AMZ2: variants seen among roughly 807,000 people sequenced by gnomAD.
The protein encoded by AMZ2 is archaelysin family metallopeptidase 2, also known as archaemetzincin-2.
In AMZ2, 26 loss-of-function variants were observed where a neutral mutation model predicts 36.7. That is an observed-to-expected ratio of 0.71 (90% CI 0.52 to 0.98). The LOEUF (loss-of-function observed/expected upper bound fraction) is 0.98. AMZ2 is among the 50% of genes least tolerant of loss of function. The pLI, the probability that AMZ2 is intolerant of heterozygous loss-of-function variation, is 0.00. For synonymous variants in AMZ2, 144 were observed against 149.1 expected (o/e 0.97, Z 0.25); for missense variants, 394 against 430.5 (o/e 0.92, Z 0.75).
In AMZ2 at chr17:68,250,952, C is replaced by A. The variant is rs1555739364; in HGVS notation, c.442C>A (p.Leu148Ile). The A allele has an allele frequency of 1.2e-6, 2 of 1,612,364 alleles. No homozygotes were observed. Among genetic ancestry groups the A allele is most frequent in the Non-Finnish European group, 1.7e-6 (2 of 1,179,672 alleles). Residue 148 changes from leucine (L) to isoleucine (I), a missense_variant, in exon 3 of 7, where the codon CTA becomes ATA. By Grantham distance (5) the Leu-to-Ile change is conservative. Coordinates refer to ENST00000359904, the MANE Select transcript of AMZ2 (RefSeq NM_016627.5). The stretch of plus-strand genomic sequence containing the variant: ...TAGAGTCAATGAGAACACACACAAC[C>A]TACAAATTCATGCAGGTGAATTACA... ...SFRVNENTHN[L>I]QIHAGDILKF...
At chr17:68,206,641 A>G (rs2072843192) in intron 1 of AMZ2, 1 of 152,276 alleles carries the variant, frequency 6.6e-6, no homozygotes, top group Non-Finnish European at 1.5e-5. Context: ...CTTGTTTTAC[A>G]AACCTCTTTG....
rs10678271 is a variant in AMZ2, at chr17:68,207,313, A to ACCCCCCC, written c.-67+1079_-67+1085dup. 8.8e-4 allele frequency: 97 copies of ACCCCCCC among 110,634 alleles called. 1 individual carries two copies. The highest frequency in any genetic ancestry group is 1.3e-3 in the Non-Finnish European group (69 of 52,766). 6.9% of individuals were successfully genotyped at this position (110,634 alleles called of 1,614,324 possible). The stretch of plus-strand genomic sequence containing the variant: ...GTTGCTAAGATGCATTTTGTTAAAT[A>ACCCCCCC]CCCCCCCCCCACAAAGGCTGCTTTG... On this transcript the variant is annotated intron_variant, in intron 1 of 7. Coordinates refer to the AMZ2 transcript ENST00000674770.
At chr17:68,227,708 GA>G (rs1433559803) in intron 1 of AMZ2, among the ~76,000 whole-genome samples, 2 of 152,188 alleles carry the variant, frequency 1.3e-5, no homozygotes, top group African/African-American at 4.8e-5. Flanking sequence ...CTCTTACAGA[GA>G]TACCTGCATT....
At chr17:68,254,006 A>G (rs1186358446) in intron 4 of AMZ2, among the ~76,000 whole-genome samples, 1 of 152,004 alleles carries the variant, frequency 6.6e-6, no homozygotes, top group Non-Finnish European at 1.5e-5. Context: ...CGGCCTCCCA[A>G]AGTCCTAGGA....
intron 1 of AMZ2, among the ~76,000 whole-genome samples, chr17:68,226,638 C>T (rs1329692535): frequency 3.9e-5 from 6 of 152,180 alleles, no homozygotes; most frequent in Admixed American, 1.3e-4. Context: ...GCCTGGCCAC[C>T]TCCCACCTCT....
At chr17:68,206,324 T>C in intron 1 of AMZ2, 1 of 1,190,136 alleles carries the variant, frequency 8.4e-7, no homozygotes, top group Admixed American at 4.6e-5. Context: ...TGCATCCTGC[T>C]CCGATCTCCC....
At chr17:68,232,822 C>G (rs56275835) in intron 1 of AMZ2, among the ~76,000 whole-genome samples, 22,872 of 152,096 alleles carry the variant, frequency 0.15, 1,856 homozygotes, top group East Asian at 0.3. Flanking sequence ...CCAGCCAGAG[C>G]AAGACTCTGT....
chr17:68,251,315 G>A (rs1350114160), intron 4 of AMZ2, 137 bp downstream of exon 4: 5 of 967,534 alleles, frequency 5.2e-6, no homozygotes, highest in Non-Finnish European at 6.0e-6. Context: ...ATGCCATAAT[G>A]GGAAGTGTGC....
At chr17:68,210,016 T>A (rs1407263838) in intron 1 of AMZ2, among the ~76,000 whole-genome samples, 1 of 152,104 alleles carries the variant, frequency 6.6e-6, no homozygotes, top group African/African-American at 2.4e-5. Flanking sequence ...AGGGCTGTAA[T>A]GTTTAAAAAA....
intron 1 of AMZ2, among the ~76,000 whole-genome samples, chr17:68,227,022 C>G (rs1443648677): frequency 6.6e-6 from 1 of 150,738 alleles, no homozygotes; most frequent in Non-Finnish European, 1.5e-5. Context: ...TACATAATAA[C>G]TTCTATGGCT....
intron 1 of AMZ2, among the ~76,000 whole-genome samples, chr17:68,209,581 G>GTT: frequency 9.3e-6 from 1 of 106,960 alleles, no homozygotes. Flanking sequence ...AATAATTGTG[G>GTT]GTGTGTGTGT....
intron 4 of AMZ2, among the ~76,000 whole-genome samples, chr17:68,252,662 CTATTT>C (rs781917471): frequency 2.6e-5 from 4 of 151,988 alleles, no homozygotes; most frequent in African/African-American, 4.8e-5. Context: ...CCACACCCGG[CTATTT>C]TATTTTATTT....
upstream of AMZ2, chr17:68,247,748 C>A (rs1340189925): frequency 3.0e-6 from 3 of 985,406 alleles, no homozygotes; most frequent in African/African-American, 5.2e-5. Context: ...ACCCCAGCGA[C>A]GCGGGCGCAT....
chr17:68,250,065 C>T (rs1555738207), intron 1 of AMZ2, 123 bp from the exon 2 acceptor site: 2 of 1,073,360 alleles, frequency 1.9e-6, no homozygotes, highest in Non-Finnish European at 2.6e-6. Context: ...TGTGACCACT[C>T]TAAAGCATTA....
intron 1 of AMZ2, among the ~76,000 whole-genome samples, chr17:68,212,877 C>G (rs1346698007): frequency 6.6e-6 from 1 of 152,118 alleles, no homozygotes; most frequent in Admixed American, 6.6e-5. Flanking sequence ...CAATTTTTTC[C>G]TTTTACTGTG....
rs2074172477 is a variant in AMZ2 at position 68,248,379 on chromosome 17, T to C, written c.-327T>C. The stretch of plus-strand genomic sequence containing the variant: ...AGCTGGAGACTGGGTTGTGTCTGCA[T>C]GGACCAGAGCCCACAGTGCGAGTTG... On this transcript the variant is annotated 5_prime_UTR_variant, in exon 1 of 7. An upstream start codon of the reference 5' UTR is lost. Coordinates refer to ENST00000359904, the MANE Select transcript of AMZ2 (RefSeq NM_016627.5). The C allele has an allele frequency of 7.1e-6, 7 of 985,930 alleles. No homozygotes were observed. The South Asian group carries it at 2.8e-4, about 40-fold the overall frequency. The allele number at this position is 985,930 out of a possible 1,614,324, so 61.1% of individuals were successfully genotyped here. A position where few individuals can be genotyped will look rare whatever the true frequency, so the allele number is the denominator to read the frequency against.
chr17:68,213,233 A>G (rs1555726491), intron 1 of AMZ2, among the ~76,000 whole-genome samples: 1 of 152,242 alleles, frequency 6.6e-6, no homozygotes, highest in Admixed American at 6.5e-5. Context: ...TGCACGCTGA[A>G]CGCCATGAAA....
chr17:68,222,614 G>A (rs1555728840), intron 1 of AMZ2, among the ~76,000 whole-genome samples: 1 of 152,124 alleles, frequency 6.6e-6, no homozygotes, highest in East Asian at 1.9e-4. Flanking sequence ...GCAACTAGAC[G>A]GTCCCATCTG....
chr17:68,255,701 C>A lies in AMZ2; in HGVS notation c.752C>A (p.Thr251Asn), dbSNP rs782806909. Reference sequence around the variant, plus strand: ...AGCCTCAACATGATTGTCTTGCAGACTTTAACCCATGAGATCGGACACATA... The same window carrying A: ...AGCCTCAACATGATTGTCTTGCAGAATTTAACCCATGAGATCGGACACATA... Reference protein sequence around the residue: ...TSVLLLRSCKTLTHEIGHIFG... With the variant: ...TSVLLLRSCKNLTHEIGHIFG... Residue 251 changes from threonine (T) to asparagine (N), a missense_variant and splice_region_variant, in exon 6 of 7, where the codon ACT becomes AAT. Coordinates refer to ENST00000359904, the MANE Select transcript of AMZ2 (RefSeq NM_016627.5). 6.2e-7 allele frequency: 1 copy of A among 1,613,716 alleles called. No individual in the cohort carries two copies. The highest frequency in any genetic ancestry group is 1.1e-5 in the South Asian group (1 of 91,046).
Sources: allele counts gnomAD v4.1 joint callset (sites outside exome capture counted in the v4.1 genomes callset), GRCh38; gene constraint gnomAD v4.1.1; transcripts MANE v1.5; gene names NCBI Gene and HGNC (gene_info 2026-07-23, HGNC 2026-07-21).